Variants in ANKRD62 observed in about 807,000 individuals in gnomAD.
The protein encoded by ANKRD62 is ankyrin repeat domain-containing protein 62.
ANKRD62 carries 61 observed loss-of-function variants against 98.8 expected under a neutral mutation model. That is an observed-to-expected ratio of 0.62 (90% CI 0.50 to 0.76). The LOEUF is 0.76. Among genes scored for constraint, ANKRD62 ranks in the 30% least tolerant of loss-of-function variants. The pLI is 0.00. For missense variants in ANKRD62, 933 were observed against 1,082.9 expected (o/e 0.86, Z 1.94); for synonymous variants, 341 against 367.9 (o/e 0.93, Z 0.84).
At chr18:12,181,104 CA>C in the ANKRD62 span, among the ~76,000 whole-genome samples, 1 of 150,682 alleles carries the variant, frequency 6.6e-6, no homozygotes, top group Non-Finnish European at 1.5e-5. Context: ...AAAAAAAATT[CA>C]AGGAGGACAT....
chr18:12,157,520 A>G, the ANKRD62 span, among the ~76,000 whole-genome samples: 1 of 152,138 alleles, frequency 6.6e-6, no homozygotes, highest in South Asian at 2.1e-4. Flanking sequence ...TGTAATATTT[A>G]ACATAATATG....
chr18:12,131,498 C>T (rs12969296), downstream of ANKRD62, among the ~76,000 whole-genome samples: 93,298 of 151,940 alleles, frequency 0.61, 29,085 homozygotes, highest in Middle Eastern at 0.76. Flanking sequence ...AAAAAAAGTC[C>T]TAAGAAGTCT....
intron 7 of ANKRD62, 25 bp downstream of exon 7, chr18:12,103,253 T>G: frequency 9.2e-6 from 12 of 1,306,906 alleles, no homozygotes; most frequent in Admixed American, 3.4e-5. Context: ...AATTTCAAAT[T>G]TCTGGTTTTC....
intron 13 of ANKRD62, among the ~76,000 whole-genome samples, chr18:12,127,224 C>A (rs1227328603): frequency 6.6e-6 from 1 of 151,976 alleles, no homozygotes; most frequent in Non-Finnish European, 1.5e-5. Flanking sequence ...GTGGTAGGAA[C>A]GGTGGGAGTA....
chr18:12,173,315 C>CTT, the ANKRD62 span, among the ~76,000 whole-genome samples: 2 of 152,282 alleles, frequency 1.3e-5, no homozygotes, highest in South Asian at 4.2e-4. Flanking sequence ...AGATTGCAAC[C>CTT]CTTGCTTTTT....
chr18:12,140,724 G>C, the ANKRD62 span, among the ~76,000 whole-genome samples: 1 of 152,216 alleles, frequency 6.6e-6, no homozygotes, highest in African/African-American at 2.4e-5. Context: ...TCTCAGAGGA[G>C]TACCCGGCCG....
At chr18:12,176,629 G>T in the ANKRD62 span, among the ~76,000 whole-genome samples, 1 of 118,140 alleles carries the variant, frequency 8.5e-6, no homozygotes, top group South Asian at 3.0e-4. Flanking sequence ...AGAGCAAAAG[G>T]CCTTGCCTAC....
the ANKRD62 span, among the ~76,000 whole-genome samples, chr18:12,135,987 G>A: frequency 9.2e-5 from 14 of 152,282 alleles, no homozygotes; most frequent in Non-Finnish European, 1.6e-4. Flanking sequence ...CTCCCATTCT[G>A]TAGGTTGCCT....
At chr18:12,102,980 G>C (rs905616305) in intron 6 of ANKRD62, among the ~76,000 whole-genome samples, 178 bp from the exon 7 acceptor site, 1 of 152,138 alleles carries the variant, frequency 6.6e-6, no homozygotes, top group African/African-American at 2.4e-5. Flanking sequence ...GTTTGTTGAA[G>C]TTTTGGAGAA....
At chr18:12,181,193 G>A in the ANKRD62 span, among the ~76,000 whole-genome samples, 1 of 151,942 alleles carries the variant, frequency 6.6e-6, no homozygotes, top group Non-Finnish European at 1.5e-5. Flanking sequence ...ACTAAAATCA[G>A]ATAAGGTAAA....
At chr18:12,163,610 G>A in the ANKRD62 span, among the ~76,000 whole-genome samples, 1 of 152,050 alleles carries the variant, frequency 6.6e-6, no homozygotes, top group African/African-American at 2.4e-5. Flanking sequence ...AAGGTTTTCA[G>A]TTTTTCTTCA....
At chr18:12,168,747 T>C in the ANKRD62 span, among the ~76,000 whole-genome samples, 93,272 of 152,016 alleles carry the variant, frequency 0.61, 29,053 homozygotes, top group Middle Eastern at 0.76. Flanking sequence ...TTTCACGATA[T>C]TGATTCTTCC....
the ANKRD62 span, among the ~76,000 whole-genome samples, chr18:12,156,261 T>C: frequency 6.6e-6 from 1 of 152,148 alleles, no homozygotes; most frequent in South Asian, 2.1e-4. Context: ...TTCTTTTCTT[T>C]ATAAATTACC....
At chr18:12,096,125 A>T in intron 3 of ANKRD62, 71 bp from the exon 4 acceptor site, 2 of 1,042,140 alleles carry the variant, frequency 1.9e-6, no homozygotes, top group Non-Finnish European at 2.8e-6. Flanking sequence ...TAGGATCTTA[A>T]CATAAGGTTT....
chr18:12,133,315 T>G (rs1461524278), downstream of ANKRD62, among the ~76,000 whole-genome samples: 7 of 152,184 alleles, frequency 4.6e-5, no homozygotes, highest in Non-Finnish European at 8.8e-5. Context: ...ATTTAACAGT[T>G]GATGGACATT....
intron 10 of ANKRD62, among the ~76,000 whole-genome samples, chr18:12,117,918 A>G (rs1445428317): frequency 3.3e-5 from 5 of 152,220 alleles, no homozygotes; most frequent in African/African-American, 1.2e-4. Flanking sequence ...TTTATTTATC[A>G]GACCAGTTTT....
the ANKRD62 span, among the ~76,000 whole-genome samples, chr18:12,153,281 G>T: frequency 6.6e-6 from 1 of 152,136 alleles, no homozygotes; most frequent in African/African-American, 2.4e-5. Context: ...AACTACTAAT[G>T]ATATTCTTTG....
chr18:12,115,003 A>C, intron 8 of ANKRD62, 85 bp from the exon 9 acceptor site: 1 of 1,044,874 alleles, frequency 9.6e-7, no homozygotes, highest in East Asian at 2.9e-5. Flanking sequence ...AAACACAGAG[A>C]TTTTATATAA....
rs1281200256 is a variant in ANKRD62, at chr18:12,128,277, CT to C, written c.*339del. The C allele has an allele frequency of 6.5e-6, 1 of 154,230 alleles. No homozygotes were observed. Among genetic ancestry groups the C allele is most frequent in the East Asian group, 1.9e-4 (1 of 5,324 alleles). The allele number at this position is 154,230 out of a possible 1,614,324, so 9.6% of individuals were successfully genotyped here. On this transcript the variant is annotated 3_prime_UTR_variant, in exon 14 of 14. Coordinates refer to ENST00000587848, the MANE Select transcript of ANKRD62 (RefSeq NM_001277333.2). ...TTTCAGAAAATTTTCTTTTTTTAAT[CT>C]CTACTTTTCTGTGTGAATAAAGACT...
Sources: gnomAD v4.1 joint callset for allele counts (sites outside exome capture counted in the v4.1 genomes callset) on GRCh38, gnomAD v4.1.1 for gene constraint, MANE v1.5 for transcripts, NCBI Gene and HGNC (gene_info 2026-07-23, HGNC 2026-07-21) for gene names.